Variants in UGT1A9 observed in about 807,000 individuals in gnomAD.
UGT1A9 encodes UDP glucuronosyltransferase family 1 member A9, also known as UDP-glucuronosyltransferase 1A9.
A neutral mutation model predicts 45.0 loss-of-function variants in UGT1A9; 35 were observed. That is an observed-to-expected ratio of 0.78 (90% CI 0.59 to 1.03). The LOEUF (loss-of-function observed/expected upper bound fraction) is 1.03. UGT1A9 is among the 50% of genes least tolerant of loss of function. UGT1A9 has a pLI of 0.00. For synonymous variants in UGT1A9, 278 were observed against 250.6 expected (o/e 1.11, Z -1.03); for missense variants, 687 against 666.6 (o/e 1.03, Z -0.34).
chr2:233,747,156 A>G, intron 1 of UGT1A9: 1 of 1,580,812 alleles, frequency 6.3e-7, no homozygotes, highest in South Asian at 1.1e-5. Flanking sequence ...GATGAAGAAA[A>G]CAAATGTAGG....
chr2:233,693,464 C>A (rs754901282), intron 1 of UGT1A9: 3 of 1,614,126 alleles, frequency 1.9e-6, no homozygotes, highest in East Asian at 2.2e-5. Flanking sequence ...CCCAGCCTTA[C>A]CCTGTGGGGT....
At chr2:233,747,834 C>A (rs367969485) in intron 1 of UGT1A9, 5 of 1,613,520 alleles carry the variant, frequency 3.1e-6, no homozygotes, top group South Asian at 1.1e-5. Context: ...CATGACATTC[C>A]TGCAAAGGGT....
intron 1 of UGT1A9, among the ~76,000 whole-genome samples, chr2:233,724,320 G>T (rs1387925983): frequency 6.8e-6 from 1 of 147,864 alleles, no homozygotes; most frequent in Non-Finnish European, 1.5e-5. Flanking sequence ...GGACGGGGCG[G>T]CTGGCCAGGC....
At chr2:233,711,149 C>T (rs562452811) in intron 1 of UGT1A9, among the ~76,000 whole-genome samples, 72 of 152,204 alleles carry the variant, frequency 4.7e-4, no homozygotes, top group Non-Finnish European at 8.1e-4. Flanking sequence ...TTGGGCTGCT[C>T]CTCCTATTTC....
At chr2:233,760,764 C>G (rs199766420) in intron 1 of UGT1A9, 1 of 1,614,088 alleles carries the variant, frequency 6.2e-7, no homozygotes, top group Non-Finnish European at 8.5e-7. Flanking sequence ...GCAGCCCCAT[C>G]GTGGCCCAGT....
Position 233,747,991 on chromosome 2 carries a change from A to C in UGT1A9, c.856-19043A>C, listed in dbSNP as rs532442400. On this transcript the variant is annotated intron_variant, in intron 1 of 4. Transcript: ENST00000354728. The stretch of plus-strand genomic sequence containing the variant: ...GCATCTGTGTGGCTGTTCCGAGGGG[A>C]CTTTGTGATGGATTACCCCAGGCCG... 1.5e-4 allele frequency: 241 copies of C among 1,612,988 alleles called. 4 individuals are homozygous for C. In the African/African-American group the frequency reaches 3.1e-3, roughly 21 times the overall value.
intron 1 of UGT1A9, among the ~76,000 whole-genome samples, chr2:233,762,572 C>A (rs947472049): frequency 6.6e-6 from 1 of 152,114 alleles, no homozygotes; most frequent in Non-Finnish European, 1.5e-5. Flanking sequence ...GTCTAGTTCC[C>A]CACAGAGGAA....
intron 1 of UGT1A9, chr2:233,718,997 G>T (rs2076712017): frequency 6.2e-7 from 1 of 1,614,222 alleles, no homozygotes; most frequent in Non-Finnish European, 8.5e-7. Flanking sequence ...ACCAGGCGGT[G>T]GTCCTCACCC....
At chr2:233,743,723 T>C (rs1252847371) in intron 1 of UGT1A9, 5 of 1,367,380 alleles carry the variant, frequency 3.7e-6, no homozygotes, top group South Asian at 2.3e-5. Flanking sequence ...ATAGCGGTCA[T>C]AGATATCGCG....
chr2:233,682,693 G>T, intron 1 of UGT1A9: 2 of 1,613,776 alleles, frequency 1.2e-6, no homozygotes, highest in Non-Finnish European at 1.7e-6. Flanking sequence ...CAATTTGGTT[G>T]TTGCGAACTG....
intron 1 of UGT1A9, among the ~76,000 whole-genome samples, chr2:233,765,679 C>T (rs750579921): frequency 2.7e-5 from 4 of 150,004 alleles, no homozygotes; most frequent in Non-Finnish European, 4.4e-5. Flanking sequence ...CATATGTATC[C>T]CAGAACTTCA....
Position 233,757,147 on chromosome 2 carries a change from C to T in UGT1A9, c.856-9887C>T, listed in dbSNP as rs1696419707. Among the ~76,000 whole-genome samples, 3 of 151,258 alleles carry T rather than the reference C, an allele frequency of 2.0e-5. No individual in the cohort carries two copies. The South Asian group carries it at 6.3e-4, about 32-fold the overall frequency. Reference sequence around the variant, plus strand: ...GGAGGAATGAGCTTGGACAGGTGGGCTGGGGTCTATCCCAGAGTTTTGAGA... The same window carrying T: ...GGAGGAATGAGCTTGGACAGGTGGGTTGGGGTCTATCCCAGAGTTTTGAGA... On this transcript the variant is annotated intron_variant, in intron 1 of 4. Transcript: ENST00000354728.
intron 1 of UGT1A9, chr2:233,761,091 C>T (rs138454262): frequency 2.5e-6 from 4 of 1,614,104 alleles, no homozygotes; most frequent in Non-Finnish European, 3.4e-6. Context: ...CTAGGCCCAT[C>T]ATGCCCAATA....
intron 1 of UGT1A9, among the ~76,000 whole-genome samples, chr2:233,758,094 G>A (rs1428723700): frequency 6.6e-6 from 1 of 152,162 alleles, no homozygotes; most frequent in Non-Finnish European, 1.5e-5. Flanking sequence ...CATAGTGACT[G>A]CCATCCAGTA....
intron 1 of UGT1A9, chr2:233,691,051 G>A: frequency 1.0e-6 from 1 of 988,180 alleles, no homozygotes; most frequent in Non-Finnish European, 1.2e-6. Flanking sequence ...ACAGCAGAGT[G>A]GAGGTCTAGT....
rs1357541469 is a variant in UGT1A9, at chr2:233,682,278, A to G, written c.855+9489A>G. The G allele has an allele frequency of 8.7e-6, 14 of 1,614,140 alleles. No individual in the cohort carries two copies. In the Middle Eastern group the frequency reaches 4.9e-4, roughly 57 times the overall value. ...TTTTCTCTATTAACAAGTTCATCCA[A>G]TGGTATTTTTGACTTATTTTTTTCA... is the stretch of plus-strand genomic sequence containing the variant. On this transcript the variant is annotated intron_variant, in intron 1 of 4. Coordinates refer to ENST00000354728, the MANE Select transcript of UGT1A9 (RefSeq NM_021027.3).
chr2:233,772,325 C>A lies in UGT1A9; in HGVS notation c.1359C>A (p.Asp453Glu). 6.2e-7 allele frequency: 1 copy of A among 1,614,136 alleles called. No homozygotes were observed. Among genetic ancestry groups the A allele is most frequent in the Non-Finnish European group, 8.5e-7 (1 of 1,180,020 alleles). ...AGGACCGCCCGGTGGAGCCGCTGGACCTGGCCGTGTTCTGGGTGGAGTTTG... is the reference window on the plus strand; with the variant it reads ...AGGACCGCCCGGTGGAGCCGCTGGAACTGGCCGTGTTCTGGGTGGAGTTTG... ...LHKDRPVEPL[D>E]LAVFWVEFVM... is the part of the protein sequence containing the mutation. Residue 453 changes from aspartate (D) to glutamate (E), a missense_variant, in exon 5 of 5, where the codon GAC (aspartate) becomes GAA (glutamate). Coordinates refer to ENST00000354728, the MANE Select transcript of UGT1A9 (RefSeq NM_021027.3).
chr2:233,675,755 A>G (rs1242728659), intron 1 of UGT1A9, among the ~76,000 whole-genome samples: 1 of 152,198 alleles, frequency 6.6e-6, no homozygotes, highest in Non-Finnish European at 1.5e-5. Flanking sequence ...CCTTTATTCT[A>G]TCTTTTTAAA....
chr2:233,760,973 C>A lies in UGT1A9; in HGVS notation c.856-6061C>A, dbSNP rs35350960. 4.8e-4 allele frequency: 769 copies of A among 1,614,172 alleles called. 15 individuals carry two copies. The East Asian group carries it at 0.013, about 27-fold the overall frequency. The stretch of plus-strand genomic sequence containing the variant: ...TTTCTGTGCGACGTGGTTTATTCCC[C>A]GTATGCAACCCTTGCCTCAGAATTC... On this transcript the variant is annotated intron_variant, in intron 1 of 4. Coordinates refer to ENST00000354728, the MANE Select transcript of UGT1A9 (RefSeq NM_021027.3).
Sources: gnomAD v4.1 joint callset for allele counts (sites outside exome capture counted in the v4.1 genomes callset) on GRCh38, gnomAD v4.1.1 for gene constraint, MANE v1.5 for transcripts, NCBI Gene and HGNC (gene_info 2026-07-23, HGNC 2026-07-21) for gene names.